ANKS1B: variants seen among roughly 807,000 people sequenced by gnomAD.
The protein encoded by ANKS1B is ankyrin repeat and sterile alpha motif domain-containing protein 1B.
ANKS1B carries 36 observed loss-of-function variants against 148.3 expected under a neutral mutation model. That is an observed-to-expected ratio of 0.24 (90% CI 0.19 to 0.32). The LOEUF is 0.32. Among genes scored for constraint, ANKS1B ranks in the 10% least tolerant of loss-of-function variants. The probability of loss-of-function intolerance (pLI) is 1.00; values close to 1 mark genes in which losing one functional copy is unlikely to be tolerated. For missense variants in ANKS1B, 1,157 were observed against 1,542.6 expected (o/e 0.75, Z 4.19); for synonymous variants, 542 against 560.8 (o/e 0.97, Z 0.47).
At chr12:98,781,473 T>G (rs962982630) in intron 23 of ANKS1B, 18 of 552,142 alleles carry the variant, frequency 3.3e-5, no homozygotes, top group Non-Finnish European at 5.9e-5. Flanking sequence ...CGCTACTTTG[T>G]GTGGATGAAG....
intron 9 of ANKS1B, among the ~76,000 whole-genome samples, chr12:99,646,148 G>T (rs756836212): frequency 1.3e-5 from 2 of 151,806 alleles, no homozygotes; most frequent in Admixed American, 6.6e-5. Context: ...TTTACTAAAT[G>T]TGTATTTGGT....
intron 8 of ANKS1B, among the ~76,000 whole-genome samples, chr12:99,718,887 C>A (rs1012611351): frequency 6.6e-6 from 1 of 152,220 alleles, no homozygotes; most frequent in Admixed American, 6.5e-5. Context: ...GCCCCCATTA[C>A]TTCAGTCAAG....
chr12:99,698,426 G>A (rs913516643), intron 8 of ANKS1B, among the ~76,000 whole-genome samples: 2 of 152,030 alleles, frequency 1.3e-5, no homozygotes, highest in African/African-American at 4.8e-5. Context: ...ACAAGCACAT[G>A]TACATGTGTT....
intron 17 of ANKS1B, among the ~76,000 whole-genome samples, chr12:98,986,177 AT>A (rs2153234205): frequency 6.7e-6 from 1 of 150,318 alleles, no homozygotes; most frequent in African/African-American, 2.4e-5. Flanking sequence ...GTTTTAAGCA[AT>A]TTGTCTATGA....
chr12:98,927,849 A>G (rs968186008), intron 17 of ANKS1B, among the ~76,000 whole-genome samples: 2 of 151,778 alleles, frequency 1.3e-5, no homozygotes, highest in Non-Finnish European at 2.9e-5. Context: ...CCTCAAGTCA[A>G]TAACTAAAAC....
chr12:99,031,468 A>G (rs1027642717), intron 17 of ANKS1B, among the ~76,000 whole-genome samples: 12 of 152,176 alleles, frequency 7.9e-5, no homozygotes, highest in Non-Finnish European at 4.4e-5. Context: ...AAGCTAAGAC[A>G]CACTTTCCCA....
chr12:98,891,903 T>C (rs1369965367), intron 17 of ANKS1B, among the ~76,000 whole-genome samples: 1 of 152,220 alleles, frequency 6.6e-6, no homozygotes, highest in Non-Finnish European at 1.5e-5. Context: ...CCATGGAAGA[T>C]GTTATAGTTT....
intron 17 of ANKS1B, among the ~76,000 whole-genome samples, chr12:99,040,553 A>C (rs928412316): frequency 6.6e-5 from 10 of 152,314 alleles, no homozygotes; most frequent in South Asian, 6.2e-4. Flanking sequence ...ATGACACAAT[A>C]CATCTGTGAA....
Position 99,697,362 on chromosome 12 carries a change from AC to A in ANKS1B, c.1129-42153del, listed in dbSNP as rs551374330. ...GTCTTTCAGTCAGTGGAACAGATAA[AC>A]AAACTGTGGTATATCCATGCAATGA... On this transcript the variant is annotated intron_variant, in intron 8 of 26. Transcript: ENST00000683438. Among the ~76,000 whole-genome samples the A allele has an allele frequency of 2.8e-4, 42 of 152,320 alleles. No individual in the cohort carries two copies. The East Asian group carries it at 7.5e-3, about 27-fold the overall frequency.
intron 12 of ANKS1B, among the ~76,000 whole-genome samples, chr12:99,345,977 T>C (rs1015926964): frequency 1.3e-5 from 2 of 152,172 alleles, no homozygotes; most frequent in Admixed American, 6.6e-5. Flanking sequence ...AAGAGTTACA[T>C]AGGGTTTGTA....
intron 14 of ANKS1B, among the ~76,000 whole-genome samples, chr12:99,193,427 A>G (rs1342467179): frequency 6.6e-6 from 1 of 152,184 alleles, no homozygotes; most frequent in African/African-American, 2.4e-5. Flanking sequence ...TTTATTACAA[A>G]TAGTTCATAT....
chr12:99,524,841 T>C (rs1215118652), intron 9 of ANKS1B, among the ~76,000 whole-genome samples: 1 of 152,178 alleles, frequency 6.6e-6, no homozygotes, highest in Admixed American at 6.5e-5. Context: ...ACTGCCCCCA[T>C]AATTCAATTA....
Position 99,367,473 on chromosome 12 carries a change from G to A in ANKS1B, c.1756+32158C>T, listed in dbSNP as rs140692196. ...AAAGCTCTTTGAAAGAGAATTAATC[G>A]GTATTTTAAAAAATTATATTCAGAT... On this transcript the variant is annotated intron_variant, in intron 12 of 26. Transcript: ENST00000683438. 5.1e-4 allele frequency among the ~76,000 whole-genome samples: 77 copies of A among 152,154 alleles called. 2 individuals carry two copies. The East Asian group carries it at 0.01, about 21-fold the overall frequency.
intron 9 of ANKS1B, among the ~76,000 whole-genome samples, chr12:99,522,498 T>C (rs1376348253): frequency 6.6e-6 from 1 of 152,116 alleles, no homozygotes; most frequent in Non-Finnish European, 1.5e-5. Flanking sequence ...CAATAAGAAA[T>C]CTATATAATA....
At chr12:99,661,905 T>A (rs2098479363) in intron 8 of ANKS1B, among the ~76,000 whole-genome samples, 1 of 152,138 alleles carries the variant, frequency 6.6e-6, no homozygotes, top group Non-Finnish European at 1.5e-5. Flanking sequence ...CTCCCCTTCC[T>A]CTTCCTGCTG....
chr12:99,102,686 G>A (rs1327215448), intron 15 of ANKS1B, among the ~76,000 whole-genome samples: 2 of 152,340 alleles, frequency 1.3e-5, no homozygotes, highest in South Asian at 2.1e-4. Flanking sequence ...AGAGGTTGCA[G>A]TAAACTGTGA....
At chr12:99,921,363 T>A (rs2153798261) in intron 1 of ANKS1B, among the ~76,000 whole-genome samples, 1 of 152,248 alleles carries the variant, frequency 6.6e-6, no homozygotes, top group South Asian at 2.1e-4. Context: ...TGACTGTAAG[T>A]TTCTTGAGGC....
intron 9 of ANKS1B, among the ~76,000 whole-genome samples, chr12:99,524,571 A>G (rs2096907830): frequency 6.6e-6 from 1 of 152,150 alleles, no homozygotes; most frequent in African/African-American, 2.4e-5. Context: ...TTGGAGCTTG[A>G]AGTTAGCCAT....
chr12:99,142,254 G>A (rs1410836714), intron 15 of ANKS1B, among the ~76,000 whole-genome samples: 3 of 152,020 alleles, frequency 2.0e-5, no homozygotes, highest in Non-Finnish European at 4.4e-5. Flanking sequence ...AAAGGCCAGA[G>A]AAAGATCGGG....
Sources: gnomAD v4.1 joint callset for allele counts (sites outside exome capture counted in the v4.1 genomes callset) on GRCh38, gnomAD v4.1.1 for gene constraint, MANE v1.5 for transcripts, NCBI Gene and HGNC (gene_info 2026-07-23, HGNC 2026-07-21) for gene names.